Variants in PCDH7 observed in about 807,000 individuals in gnomAD.
PCDH7 encodes protocadherin-7.
A neutral mutation model predicts 58.9 loss-of-function variants in PCDH7; 17 were observed. The ratio of observed to expected loss-of-function variants is 0.29; its 90% CI spans 0.20 to 0.43. The LOEUF (loss-of-function observed/expected upper bound fraction) is 0.43, where lower values mean the gene tolerates loss of function less well. Among genes scored for constraint, PCDH7 ranks in the 20% least tolerant of loss-of-function variants. PCDH7 has a pLI of 1.00. For missense variants in PCDH7, 1,274 were observed against 1,441.0 expected (o/e 0.88, Z 1.88); for synonymous variants, 664 against 616.4 (o/e 1.08, Z -1.14).
chr4:30,950,316 A>G (rs1747222783), intron 3 of PCDH7: 1 of 152,546 alleles, frequency 6.6e-6, no homozygotes, highest in Admixed American at 6.6e-5. Context: ...CACTACACAG[A>G]GCCTTCTATA....
intron 1 of PCDH7, among the ~76,000 whole-genome samples, chr4:30,739,102 A>C (rs1287456064): frequency 6.7e-6 from 1 of 148,274 alleles, no homozygotes; most frequent in Non-Finnish European, 1.5e-5. Flanking sequence ...AATAATGAGC[A>C]ACCTGGAACT....
At chr4:31,106,861 T>C (rs1275453447) in intron 3 of PCDH7, among the ~76,000 whole-genome samples, 2 of 152,254 alleles carry the variant, frequency 1.3e-5, no homozygotes, top group Non-Finnish European at 2.9e-5. Flanking sequence ...ACACATTTTA[T>C]CTTTGACATT....
At chr4:30,992,709 T>C (rs2109125840) in intron 3 of PCDH7, among the ~76,000 whole-genome samples, 1 of 149,742 alleles carries the variant, frequency 6.7e-6, no homozygotes, top group Admixed American at 6.7e-5. Flanking sequence ...CTAAAATACA[T>C]AAAATACATA....
intron 3 of PCDH7, among the ~76,000 whole-genome samples, chr4:31,006,146 A>G (rs1752751787): frequency 1.3e-5 from 2 of 152,222 alleles, no homozygotes; most frequent in South Asian, 4.1e-4. Flanking sequence ...ATTAAATCAA[A>G]TGTCATTGAT....
At chr4:30,997,795 G>C (rs1752034482) in intron 3 of PCDH7, among the ~76,000 whole-genome samples, 1 of 152,056 alleles carries the variant, frequency 6.6e-6, no homozygotes. Context: ...TTTAATAAAG[G>C]GAAGTCATCA....
intron 3 of PCDH7, among the ~76,000 whole-genome samples, chr4:31,142,255 A>G (rs1027499330): frequency 2.0e-5 from 3 of 152,270 alleles, no homozygotes; most frequent in African/African-American, 4.8e-5. Flanking sequence ...CATTTTGTCT[A>G]CTTTCCTGTT....
At chr4:31,015,385 G>A (rs1201468881) in intron 3 of PCDH7, among the ~76,000 whole-genome samples, 1 of 152,108 alleles carries the variant, frequency 6.6e-6, no homozygotes, top group Non-Finnish European at 1.5e-5. Context: ...TTCCCAGTGT[G>A]TTTTATAGGT....
rs574164332 is a variant in PCDH7 at position 30,774,778 on chromosome 4, C to T, written c.70+50182C>T. 2.6e-5 allele frequency among the ~76,000 whole-genome samples: 4 copies of T among 152,178 alleles called. No individual in the cohort carries two copies. The East Asian group carries it at 5.8e-4, about 22-fold the overall frequency. ...GATATATAGTATAGAACTCAGAGGC[C>T]GTCATTCTCCTGTTGTTTATTACCA... On this transcript the variant is annotated intron_variant, in intron 1 of 3. Transcript: ENST00000509759.
At chr4:31,118,926 T>A (rs1158356192) in intron 3 of PCDH7, among the ~76,000 whole-genome samples, 1 of 152,172 alleles carries the variant, frequency 6.6e-6, no homozygotes, top group Non-Finnish European at 1.5e-5. Flanking sequence ...TCCTGTTGGC[T>A]TACTCCTCTT....
intron 3 of PCDH7, among the ~76,000 whole-genome samples, chr4:31,123,761 G>T (rs1338876505): frequency 1.3e-5 from 2 of 152,090 alleles, no homozygotes; most frequent in South Asian, 2.1e-4. Flanking sequence ...CAGATTGAAG[G>T]GTGGTGTATG....
chr4:30,857,881 A>T (rs1304418468), intron 1 of PCDH7, among the ~76,000 whole-genome samples: 2 of 152,164 alleles, frequency 1.3e-5, no homozygotes, highest in Non-Finnish European at 1.5e-5. Context: ...ATTTTAACAG[A>T]ACTCTTCACA....
chr4:30,722,893 A>G lies in PCDH7; in HGVS notation c.1471A>G (p.Thr491Ala). 1.2e-6 allele frequency: 2 copies of G among 1,613,562 alleles called. No individual in the cohort carries two copies. The highest frequency in any genetic ancestry group is 1.7e-6 in the Non-Finnish European group (2 of 1,179,978). ...GAAAAAGTACTTCTTGCACACCTCGACCCCTCTGGACTATGAGGCCACCCG... is the reference window on the plus strand; with the variant it reads ...GAAAAAGTACTTCTTGCACACCTCGGCCCCTCTGGACTATGAGGCCACCCG... The change falls in exon 1 of 2, where the codon ACC (threonine) becomes GCC (alanine). Residue 491 changes from threonine to alanine, a missense_variant. Thr to Ala is a moderately conservative substitution (Grantham distance 58, BLOSUM62 0). Coordinates refer to ENST00000361762, the Ensembl canonical transcript of PCDH7. This position sits in a 1 kb window ranked among gnomAD's most constrained non-coding sequence, Gnocchi z 7.6.
chr4:30,859,508 C>T lies in PCDH7; in HGVS notation c.71-60645C>T, dbSNP rs1277603041. Among the ~76,000 whole-genome samples, 6 of 151,022 alleles carry T rather than the reference C, an allele frequency of 4.0e-5. No individual in the cohort carries two copies. In the South Asian group the frequency reaches 6.3e-4, roughly 16 times the overall value. On this transcript the variant is annotated intron_variant, in intron 1 of 3. Coordinates refer to the PCDH7 transcript ENST00000509759. Reference sequence around the variant, plus strand: ...AGGCTGGAGTGCAGTGGTGCAATCTCGACTCACTGCAACCTCCACCTCCAA... The same window carrying T: ...AGGCTGGAGTGCAGTGGTGCAATCTTGACTCACTGCAACCTCCACCTCCAA...
chr4:31,045,102 G>C (rs1756175779), intron 3 of PCDH7, among the ~76,000 whole-genome samples: 1 of 151,954 alleles, frequency 6.6e-6, no homozygotes, highest in African/African-American at 2.4e-5. Flanking sequence ...TTTCAAGGTA[G>C]TTTATTAATT....
chr4:31,122,338 A>G (rs1490869634), intron 3 of PCDH7, among the ~76,000 whole-genome samples: 1 of 152,174 alleles, frequency 6.6e-6, no homozygotes, highest in Non-Finnish European at 1.5e-5. Context: ...AAGGATAAAT[A>G]AATCTCATAA....
At chr4:30,837,008 CT>C (rs1730563485) in intron 1 of PCDH7, among the ~76,000 whole-genome samples, 1 of 152,140 alleles carries the variant, frequency 6.6e-6, no homozygotes, top group Non-Finnish European at 1.5e-5. Flanking sequence ...GAGAAACCAG[CT>C]TTTGGTTGTC....
At chr4:30,864,432 AAC>A (rs5857208) in intron 1 of PCDH7, among the ~76,000 whole-genome samples, 70,030 of 146,414 alleles carry the variant, frequency 0.48, 16,991 homozygotes, top group East Asian at 0.7. Context: ...ATTATTGGAG[AAC>A]ACACACACAC....
intron 3 of PCDH7, among the ~76,000 whole-genome samples, chr4:31,069,998 G>A (rs971080816): frequency 6.6e-6 from 1 of 151,864 alleles, no homozygotes; most frequent in African/African-American, 2.4e-5. Flanking sequence ...GTGCATTATT[G>A]AGATCTTTAG....
intron 3 of PCDH7, among the ~76,000 whole-genome samples, chr4:31,051,607 A>G (rs1404815269): frequency 6.6e-6 from 1 of 152,144 alleles, no homozygotes; most frequent in Non-Finnish European, 1.5e-5. Context: ...AAACCCTTAA[A>G]TAATGCCCTT....
Sources: allele counts gnomAD v4.1 joint callset (sites outside exome capture counted in the v4.1 genomes callset), GRCh38; gene constraint gnomAD v4.1.1; non-coding constraint Gnocchi (gnomAD v3.1); transcripts MANE v1.5; gene names NCBI Gene and HGNC (gene_info 2026-07-23, HGNC 2026-07-21).